Variants in EDN3 observed in about 807,000 individuals in gnomAD.
The protein encoded by EDN3 is endothelin-3.
Under a neutral mutation model 21.4 loss-of-function variants are expected in EDN3, and 9 were observed. The observed-to-expected ratio is 0.42, with a 90% CI of 0.25 to 0.73. EDN3 has a LOEUF of 0.73. Ranked by LOEUF, EDN3 falls within the 30% of genes least tolerant of loss-of-function variation. The pLI, the probability that EDN3 is intolerant of heterozygous loss-of-function variation, is 0.26. For missense variants in EDN3, 327 were observed against 309.4 expected (o/e 1.06, Z -0.43); for synonymous variants, 133 against 126.2 (o/e 1.05, Z -0.36).
At chr20:59,321,325 A>C in intron 3 of EDN3, 132 bp downstream of exon 3, 1 of 1,105,684 alleles carries the variant, frequency 9.0e-7, no homozygotes, top group South Asian at 1.3e-5. Flanking sequence ...CCTGTGGGCC[A>C]GAGAAAGGAG....
At position 59,301,741 on chromosome 20, in the gene EDN3, G is replaced by A; in HGVS notation, c.365+19G>A. 1 of 1,613,758 alleles carries A rather than the reference G, an allele frequency of 6.2e-7. No individual in the cohort carries two copies. The highest frequency in any genetic ancestry group is 8.5e-7 in the Non-Finnish European group (1 of 1,179,642). On this transcript the variant is annotated intron_variant, in intron 2 of 4. Transcript: ENST00000337938. Reference sequence around the variant, plus strand: ...CTCCCGAGTAAGTCAGCCTTTTGTGGTGAGGAACGTGGCTCCCGGACCAGG... The same window carrying A: ...CTCCCGAGTAAGTCAGCCTTTTGTGATGAGGAACGTGGCTCCCGGACCAGG...
chr20:59,301,004 G>T, intron 1 of EDN3, 140 bp downstream of exon 1: 3 of 1,001,892 alleles, frequency 3.0e-6, no homozygotes, highest in Non-Finnish European at 4.3e-6. Context: ...AGACGCCTGG[G>T]GGAGGGCTGG....
intron 2 of EDN3, among the ~76,000 whole-genome samples, chr20:59,312,816 C>T (rs1409600098): frequency 6.6e-6 from 1 of 152,084 alleles, no homozygotes; most frequent in Non-Finnish European, 1.5e-5. Context: ...CCAGAGGGAC[C>T]CTGGAGAGAC....
At chr20:59,306,040 A>G (rs1241933566) in intron 2 of EDN3, among the ~76,000 whole-genome samples, 3 of 152,096 alleles carry the variant, frequency 2.0e-5, no homozygotes, top group Non-Finnish European at 4.4e-5. Flanking sequence ...CTGTTTATCC[A>G]ATGGCTGACT....
At chr20:59,300,929 AC>A in intron 1 of EDN3, 65 bp downstream of exon 1, 1 of 1,570,930 alleles carries the variant, frequency 6.4e-7, no homozygotes, top group East Asian at 2.3e-5. Flanking sequence ...AGGGCGGGGG[AC>A]CCGAGGCGCG....
chr20:59,312,170 C>T (rs1989871039), intron 2 of EDN3, among the ~76,000 whole-genome samples: 1 of 152,106 alleles, frequency 6.6e-6, no homozygotes, highest in Non-Finnish European at 1.5e-5. Context: ...TATAATGAGG[C>T]TGGGCCAGGC....
intron 2 of EDN3, among the ~76,000 whole-genome samples, chr20:59,314,066 G>T (rs1990018373): frequency 6.6e-6 from 1 of 152,158 alleles, no homozygotes. Context: ...TGGCATGCCT[G>T]CCTCCACCTG....
Position 59,321,145 on chromosome 20 carries a change from A to G in EDN3, c.494A>G (p.Tyr165Cys). The change falls in exon 3 of 5, where the codon TAT (tyrosine) becomes TGT (cysteine). Residue 165 changes from tyrosine to cysteine, a missense_variant. By Grantham distance (194) the Tyr-to-Cys change is radical. Transcript: ENST00000337938. ...PHLRCACVGR[Y>C]DKACLHFCTQ... is the part of the protein sequence containing the mutation. ...TTGCGCTGCGCTTGTGTGGGGAGAT[A>G]TGACAAGGCCTGCCTGCACTTTTGC... 1 of 1,614,216 alleles carries G rather than the reference A, an allele frequency of 6.2e-7. No individual in the cohort carries two copies. Among genetic ancestry groups the G allele is most frequent in the Non-Finnish European group, 8.5e-7 (1 of 1,180,032 alleles).
chr20:59,320,744 G>A (rs1391239125), intron 2 of EDN3, among the ~76,000 whole-genome samples: 1 of 152,208 alleles, frequency 6.6e-6, no homozygotes, highest in East Asian at 1.9e-4. Context: ...ACGCCTGCTG[G>A]GCTCCAAGAG....
At chr20:59,301,981 C>T (rs1989078755) in intron 2 of EDN3, among the ~76,000 whole-genome samples, 1 of 152,162 alleles carries the variant, frequency 6.6e-6, no homozygotes, top group African/African-American at 2.4e-5. Context: ...GGAGCCCTCC[C>T]TCTGAATGAA....
rs967040257 is a variant in EDN3, at chr20:59,319,992, G to C, written c.366-1025G>C. Reference sequence around the variant, plus strand: ...AAGGATCTGCTTTCAACTTCTTCCCGCTGAACTGCCTGGCAGGCACCCCCT... The same window carrying C: ...AAGGATCTGCTTTCAACTTCTTCCCCCTGAACTGCCTGGCAGGCACCCCCT... On this transcript the variant is annotated intron_variant, in intron 2 of 4. Coordinates refer to ENST00000337938, the MANE Select transcript of EDN3 (RefSeq NM_207034.3). 3.3e-5 allele frequency among the ~76,000 whole-genome samples: 5 copies of C among 152,286 alleles called. No individual in the cohort carries two copies. In the East Asian group the frequency reaches 9.7e-4, roughly 29 times the overall value.
In EDN3 at chr20:59,322,336, CAGGT is replaced by C. The variant is rs1568845202; in HGVS notation, c.543-35_543-32del. On this transcript the variant is annotated intron_variant, in intron 3 of 4. Coordinates refer to ENST00000337938, the MANE Select transcript of EDN3 (RefSeq NM_207034.3). This position sits in a 1 kb window ranked among gnomAD's most constrained non-coding sequence, Gnocchi z 4.1. ...CCGAAAAACCAGCCACAGGGAAAGG[CAGGT>C]TGATTGATTAAAACCAGCTCTCTCC... The C allele has an allele frequency of 6.2e-7, 1 of 1,612,842 alleles. No individual in the cohort carries two copies. The highest frequency in any genetic ancestry group is 1.7e-5 in the Admixed American group (1 of 60,026).
intron 2 of EDN3, among the ~76,000 whole-genome samples, chr20:59,307,610 T>A (rs1237760248): frequency 6.6e-6 from 1 of 152,222 alleles, no homozygotes; most frequent in Non-Finnish European, 1.5e-5. Flanking sequence ...CCTGGGTCAG[T>A]ATTGAATGGG....
chr20:59,317,990 A>ACGCC (rs1209029522), intron 2 of EDN3, among the ~76,000 whole-genome samples: 1 of 152,184 alleles, frequency 6.6e-6, no homozygotes, highest in Non-Finnish European at 1.5e-5. Flanking sequence ...ACTGCCTCTG[A>ACGCC]CGCCACTCTG....
At chr20:59,303,598 C>T (rs546251638) in intron 2 of EDN3, among the ~76,000 whole-genome samples, 15 of 152,304 alleles carry the variant, frequency 9.8e-5, no homozygotes, top group South Asian at 4.1e-4. Flanking sequence ...CTCTTTCATT[C>T]GTTGCCTGTT....
chr20:59,305,680 A>G lies in EDN3; in HGVS notation c.365+3958A>G, dbSNP rs566887038. 1.3e-5 allele frequency among the ~76,000 whole-genome samples: 2 copies of G among 152,240 alleles called. No homozygotes were observed. Among genetic ancestry groups the G allele is most frequent in the East Asian group, 1.9e-4 (1 of 5,156 alleles). On this transcript the variant is annotated intron_variant, in intron 2 of 4. Transcript: ENST00000337938. This position sits in a 1 kb window ranked among gnomAD's most constrained non-coding sequence, Gnocchi z 4.2. ...GATTGTGGGGGCTGGCAGGCCAGAA[A>G]TCTGCATGCCACCAGGCTGAAAATT...
In EDN3 at chr20:59,305,564, A is replaced by G. The variant is rs561782700; in HGVS notation, c.365+3842A>G. 8.3e-4 allele frequency among the ~76,000 whole-genome samples: 126 copies of G among 152,332 alleles called. 1 individual carries two copies. The highest frequency in any genetic ancestry group is 1.4e-3 in the Non-Finnish European group (93 of 68,028). On this transcript the variant is annotated intron_variant, in intron 2 of 4. Transcript: ENST00000337938. This position sits in a 1 kb window ranked among gnomAD's most constrained non-coding sequence, Gnocchi z 4.2. ...TTGCTCTTGGGGGCCATGGACTTTT[A>G]TGGAGGATAAACAGAAGTTATGGGC... is the stretch of plus-strand genomic sequence containing the variant.
chr20:59,320,643 G>A (rs1393791011), intron 2 of EDN3, among the ~76,000 whole-genome samples: 1 of 152,234 alleles, frequency 6.6e-6, no homozygotes, highest in African/African-American at 2.4e-5. Context: ...CATGTTCACA[G>A]ATCGCAGAGC....
chr20:59,301,822 GC>G, intron 2 of EDN3, 100 bp downstream of exon 2: 1 of 1,357,630 alleles, frequency 7.4e-7, no homozygotes, highest in South Asian at 1.2e-5. Flanking sequence ...CGCTCAGTTA[GC>G]CCAGAGCCTG....
Sources: gnomAD v4.1 joint callset for allele counts (sites outside exome capture counted in the v4.1 genomes callset) on GRCh38, gnomAD v4.1.1 for gene constraint, Gnocchi (gnomAD v3.1) non-coding constraint, MANE v1.5 for transcripts, NCBI Gene and HGNC (gene_info 2026-07-23, HGNC 2026-07-21) for gene names.